The following ACSF3 variants were observed in gnomAD, a reference collection of about 807,000 sequenced individuals.
The protein encoded by ACSF3 is malonate--CoA ligase ACSF3, mitochondrial.
In ACSF3, 78 loss-of-function variants were observed where a neutral mutation model predicts 53.2. The ratio of observed to expected loss-of-function variants is 1.47; its 90% CI spans 1.22 to 1.77. ACSF3 has a LOEUF of 1.77. Ranked by LOEUF, ACSF3 falls within the 40% of genes most tolerant of loss-of-function variation. The probability of loss-of-function intolerance (pLI) is 0.00; values close to 1 mark genes in which losing one functional copy is unlikely to be tolerated. For synonymous variants in ACSF3, 414 were observed against 333.1 expected (o/e 1.24, Z -2.65); for missense variants, 937 against 771.1 (o/e 1.22, Z -2.55).
At chr16:89,124,820 C>G (rs1034283169) in intron 7 of ACSF3, among the ~76,000 whole-genome samples, 18 of 152,226 alleles carry the variant, frequency 1.2e-4, no homozygotes, top group African/African-American at 4.1e-4. Context: ...AAAGACTACC[C>G]TTTCTGCATT....
chr16:89,144,641 C>T (rs946796714), intron 8 of ACSF3, among the ~76,000 whole-genome samples: 6 of 152,218 alleles, frequency 3.9e-5, no homozygotes, highest in Admixed American at 6.5e-5. Context: ...TGGTGGGCCT[C>T]GGCCCCTCTC....
chr16:89,110,367 G>C (rs912174258), intron 4 of ACSF3, among the ~76,000 whole-genome samples: 8 of 152,188 alleles, frequency 5.3e-5, no homozygotes, highest in African/African-American at 1.9e-4. Flanking sequence ...TCTGCATGGA[G>C]ATATTCAGTG....
chr16:89,124,338 T>C (rs1238399471), intron 7 of ACSF3, among the ~76,000 whole-genome samples: 1 of 152,152 alleles, frequency 6.6e-6, no homozygotes, highest in African/African-American at 2.4e-5. Flanking sequence ...GTTTGCACAC[T>C]ACATGTATGT....
chr16:89,130,564 A>T (rs1444221235), intron 7 of ACSF3, among the ~76,000 whole-genome samples: 7 of 152,152 alleles, frequency 4.6e-5, no homozygotes, highest in Non-Finnish European at 1.0e-4. Context: ...ACAGAATGAG[A>T]GTCTGTCTCA....
chr16:89,141,184 G>C (rs1911682977), intron 8 of ACSF3: 2 of 1,287,100 alleles, frequency 1.6e-6, no homozygotes, highest in South Asian at 2.5e-5. Context: ...TTTAAACCCT[G>C]GCTCCGATGC....
chr16:89,141,419 G>T (rs553973817), intron 8 of ACSF3: 8 of 894,480 alleles, frequency 8.9e-6, no homozygotes, highest in Non-Finnish European at 1.2e-5. Context: ...CAGCGGGGCC[G>T]CCCCTTTGGG....
intron 6 of ACSF3, among the ~76,000 whole-genome samples, chr16:89,117,614 C>T (rs1905384582): frequency 6.6e-6 from 1 of 151,650 alleles, no homozygotes; most frequent in Admixed American, 6.6e-5. Context: ...GCGTCAGGAG[C>T]AGCCCAGGGA....
rs752104014 is a variant in ACSF3, at chr16:89,102,643, G to C, written c.706G>C (p.Asp236His). The C allele has an allele frequency of 1.9e-6, 3 of 1,613,858 alleles. No individual in the cohort carries two copies. Among genetic ancestry groups the C allele is most frequent in the Non-Finnish European group, 2.5e-6 (3 of 1,180,020 alleles). ...LVHKWAWTKD[D>H]VILHVLPLHH... ...CCACAAGTGGGCATGGACCAAAGAC[G>C]ACGTGATCCTCCACGTGCTCCCGCT... The change falls in exon 4 of 11, where the codon GAC becomes CAC. Residue 236 changes from aspartate to histidine, a missense_variant. Transcript: ENST00000614302.
rs757664305 is a variant in ACSF3 at position 89,100,780 on chromosome 16, C to T, written c.99C>T (p.His33=). The change falls in exon 3 of 11, where the codon CAC becomes CAT. Residue 33 remains histidine (H), a synonymous_variant. Coordinates refer to ENST00000614302, the MANE Select transcript of ACSF3 (RefSeq NM_001243279.3). ...PARHRGSGLL[H]TAPVARSDRS... is the part of the protein sequence containing the mutation. ...GACACAGAGGAAGTGGTCTTCTGCA[C>T]ACAGCCCCAGTGGCCCGCTCGGACA... The T allele has an allele frequency of 1.2e-6, 2 of 1,611,058 alleles. No individual in the cohort carries two copies. Among genetic ancestry groups the T allele is most frequent in the East Asian group, 2.2e-5 (1 of 44,872 alleles).
intron 7 of ACSF3, among the ~76,000 whole-genome samples, chr16:89,129,297 A>G (rs1037917668): frequency 6.6e-6 from 1 of 152,170 alleles, no homozygotes; most frequent in Non-Finnish European, 1.5e-5. Flanking sequence ...TTTGCTTCAT[A>G]TATTTTGAAA....
Position 89,146,063 on chromosome 16 carries a change from GGGC to G in ACSF3, c.1613+17_1613+19del. On this transcript the variant is annotated intron_variant, in intron 10 of 10. Coordinates refer to ENST00000614302, the MANE Select transcript of ACSF3 (RefSeq NM_001243279.3). ...AGAGTGGGCCAGGTAGGGCTGGGTGGGGCGGGCAGGGAGCACTCATGGGGTCTT... is the reference window on the plus strand; with the variant it reads ...AGAGTGGGCCAGGTAGGGCTGGGTGGGGGCAGGGAGCACTCATGGGGTCTT... 6.6e-7 allele frequency: 1 copy of G among 1,514,280 alleles called. No individual in the cohort carries two copies. The highest frequency in any genetic ancestry group is 9.2e-7 in the Non-Finnish European group (1 of 1,090,886). 93.8% of individuals were successfully genotyped at this position (1,514,280 alleles called of 1,614,324 possible).
intron 6 of ACSF3, among the ~76,000 whole-genome samples, chr16:89,120,082 A>C (rs1036255910): frequency 1.3e-5 from 2 of 152,218 alleles, no homozygotes; most frequent in Non-Finnish European, 2.9e-5. Flanking sequence ...CCCACCAGCA[A>C]CCTAAACCAC....
At chr16:89,139,279 C>T (rs1911257616) in intron 8 of ACSF3, among the ~76,000 whole-genome samples, 1 of 152,174 alleles carries the variant, frequency 6.6e-6, no homozygotes, top group Non-Finnish European at 1.5e-5. Context: ...TCCCCATCAC[C>T]ACCACCCCTT....
At chr16:89,127,023 A>T (rs1023659372) in intron 7 of ACSF3, among the ~76,000 whole-genome samples, 4 of 152,230 alleles carry the variant, frequency 2.6e-5, no homozygotes, top group Non-Finnish European at 4.4e-5. Context: ...GGCTGTTAAT[A>T]TGGTAGATTA....
At chr16:89,135,615 C>G (rs975704391) in intron 8 of ACSF3, among the ~76,000 whole-genome samples, 1 of 152,218 alleles carries the variant, frequency 6.6e-6, no homozygotes, top group African/African-American at 2.4e-5. Context: ...TTATACATCC[C>G]CATTAGCGCA....
intron 1 of ACSF3, among the ~76,000 whole-genome samples, chr16:89,095,919 C>T (rs572106753): frequency 6.6e-5 from 10 of 152,330 alleles, no homozygotes; most frequent in African/African-American, 2.4e-4. Flanking sequence ...CCTGTGGTGA[C>T]TAACTCTGCC....
chr16:89,154,004 G>C, intron 10 of ACSF3, 86 bp from the exon 11 acceptor site: 1 of 1,392,198 alleles, frequency 7.2e-7, no homozygotes, highest in Non-Finnish European at 1.0e-6. Flanking sequence ...GGTCCCAGGG[G>C]CACCTGTCCG....
chr16:89,104,238 G>C (rs544628710), intron 4 of ACSF3, among the ~76,000 whole-genome samples: 20 of 152,366 alleles, frequency 1.3e-4, no homozygotes, highest in African/African-American at 4.6e-4. Flanking sequence ...AGGAAAAAAA[G>C]TTTAACACGT....
intron 8 of ACSF3, among the ~76,000 whole-genome samples, chr16:89,134,262 G>A (rs1016936318): frequency 2.0e-5 from 3 of 151,994 alleles, no homozygotes; most frequent in African/African-American, 7.3e-5. Context: ...ATGGAATCTT[G>A]GGCCATGCGG....
Sources: gnomAD v4.1 joint callset for allele counts (sites outside exome capture counted in the v4.1 genomes callset) on GRCh38, gnomAD v4.1.1 for gene constraint, MANE v1.5 for transcripts, NCBI Gene and HGNC (gene_info 2026-07-23, HGNC 2026-07-21) for gene names.